ANKRD18B: variants seen among roughly 807,000 people sequenced by gnomAD.
ANKRD18B encodes the protein ankyrin repeat domain 18B, also known as ankyrin repeat domain-containing protein 18B.
A neutral mutation model predicts 111.8 loss-of-function variants in ANKRD18B; 75 were observed. The observed-to-expected ratio is 0.67, with a 90% CI of 0.56 to 0.81. The LOEUF (loss-of-function observed/expected upper bound fraction) is 0.81. Among genes scored for constraint, ANKRD18B ranks in the 40% least tolerant of loss-of-function variants. ANKRD18B has a pLI of 0.00. For missense variants in ANKRD18B, 1,038 were observed against 1,225.5 expected, an observed-to-expected ratio of 0.85 and a Z score of 2.28; for synonymous variants, 356 against 417.3, an observed-to-expected ratio of 0.85 and a Z score of 1.79.
intron 17 of ANKRD18B, among the ~76,000 whole-genome samples, chr9:33,570,389 C>T (rs553174985): frequency 9.2e-4 from 139 of 151,604 alleles, no homozygotes; most frequent in African/African-American, 3.0e-3. Flanking sequence ...CTCCAAACCT[C>T]AGCATTCCTC....
Position 33,566,232 on chromosome 9 carries a change from T to C in ANKRD18B, c.2474T>C (p.Met825Thr). Residue 825 changes from methionine (M) to threonine (T), a missense_variant, in exon 15 of 19, where the codon ATG (methionine) becomes ACG (threonine). Physicochemically the swap from Met to Thr is moderately conservative, Grantham distance 81. Around this residue, in one of 4 missense-constraint regions of ANKRD18B, gnomAD observed 524 missense variants for 677.9 expected, o/e 0.77. Transcript: ENST00000684830. Reference protein sequence around the residue: ...KKLKQKFDDLMAEKEAVSSKC... With the variant: ...KKLKQKFDDLTAEKEAVSSKC... ...TTATTAATGCAGTTTGATGATCTTA[T>C]GGCCGAGAAGGAAGCTGTATCTTCA... 1.3e-6 allele frequency: 2 copies of C among 1,555,658 alleles called. No homozygotes were observed. The highest frequency in any genetic ancestry group is 1.7e-6 in the Non-Finnish European group (2 of 1,148,254).
At chr9:33,573,780 A>T (rs1421506546), downstream of ANKRD18B, among the ~76,000 whole-genome samples, 1 of 145,178 alleles carries the variant, frequency 6.9e-6, no homozygotes, top group Non-Finnish European at 1.6e-5. Flanking sequence ...GACCATGGTC[A>T]GAGATGACCT....
intron 10 of ANKRD18B, among the ~76,000 whole-genome samples, chr9:33,547,251 G>T (rs1563903531): frequency 6.6e-6 from 1 of 152,114 alleles, no homozygotes; most frequent in East Asian, 1.9e-4. Flanking sequence ...TGGAGAACTG[G>T]AAGTAGAGTC....
Position 33,548,439 on chromosome 9 carries a change from C to T in ANKRD18B, c.1651C>T (p.Arg551Trp), listed in dbSNP as rs1196581676. ...ELLTEQVHKA[R>W]VKFNTLKGKL... Reference sequence around the variant, plus strand: ...GCTTACTGAACAGGTCCATAAAGCTCGGGTGAAGTTCAATACCTTAAAAGG... The same window carrying T: ...GCTTACTGAACAGGTCCATAAAGCTTGGGTGAAGTTCAATACCTTAAAAGG... The change falls in exon 11 of 19, where the codon CGG (arginine) becomes TGG (tryptophan). Residue 551 changes from arginine to tryptophan, a missense_variant. By Grantham distance (101) the Arg-to-Trp change is moderately radical (BLOSUM62 -3). Transcript: ENST00000684830. The T allele has an allele frequency of 1.2e-5, 19 of 1,551,148 alleles. No individual in the cohort carries two copies. Among genetic ancestry groups the T allele is most frequent in the East Asian group, 2.4e-5 (1 of 40,908 alleles).
At position 33,550,629 on chromosome 9, in the gene ANKRD18B, A is replaced by G. The variant is rs558442126; in HGVS notation, c.2217+50A>G. ...ACAGTTAATCTGTAGCTGGTTGAAT[A>G]CCAGTATCCTAAGTGTCTTAGGATA... On this transcript the variant is annotated intron_variant, in intron 12 of 18. Transcript: ENST00000684830. 2.8e-5 allele frequency: 41 copies of G among 1,446,160 alleles called. No individual in the cohort carries two copies. In the East Asian group the frequency reaches 1.0e-3, roughly 35 times the overall value. 89.6% of individuals were successfully genotyped at this position (1,446,160 alleles called of 1,614,324 possible).
rs1438250143 is a variant in ANKRD18B at position 33,524,521 on chromosome 9, TG to T, written c.35del (p.Gly12AlafsTer5). 1 of 1,550,602 alleles carries T rather than the reference TG, an allele frequency of 6.4e-7. No individual in the cohort carries two copies. The highest frequency in any genetic ancestry group is 8.7e-7 in the Non-Finnish European group (1 of 1,146,598). Reference protein sequence around the residue: MRKLLSFGRRLGQALLSSMDQ... With the variant: MRKLLSFGRRXGQALLSSMDQ... ...AAGCTCCTCAGTTTTGGGAGACGCCTGGGCCAGGCGCTCCTGAGCTCCATGG... is the reference window on the plus strand; with the variant it reads ...AAGCTCCTCAGTTTTGGGAGACGCCTGGCCAGGCGCTCCTGAGCTCCATGG... On this transcript the variant is annotated frameshift_variant, in exon 1 of 19. Coordinates refer to ENST00000684830, the MANE Select transcript of ANKRD18B (RefSeq NM_001393611.1). LOFTEE classifies it high-confidence loss of function.
intron 14 of ANKRD18B, among the ~76,000 whole-genome samples, chr9:33,559,011 T>C (rs1429503990): frequency 1.3e-5 from 2 of 152,118 alleles, no homozygotes; most frequent in African/African-American, 4.8e-5. Flanking sequence ...AAGTCATAGG[T>C]GGGTTTTAAG....
At chr9:33,554,280 A>T (rs1828490987) in intron 12 of ANKRD18B, among the ~76,000 whole-genome samples, 1 of 152,174 alleles carries the variant, frequency 6.6e-6, no homozygotes, top group Non-Finnish European at 1.5e-5. Flanking sequence ...AGAAAATAAC[A>T]GTGTACTCAA....
intron 13 of ANKRD18B, among the ~76,000 whole-genome samples, chr9:33,556,495 C>A (rs544339306): frequency 6.6e-6 from 1 of 152,280 alleles, no homozygotes; most frequent in South Asian, 2.1e-4. Flanking sequence ...AACTCCTGAC[C>A]TCATGATCCA....
chr9:33,564,886 C>A (rs1218239989), intron 14 of ANKRD18B, among the ~76,000 whole-genome samples: 1 of 151,618 alleles, frequency 6.6e-6, no homozygotes, highest in Non-Finnish European at 1.5e-5. Context: ...GATCTTTTGC[C>A]TAGTTTTGAA....
chr9:33,535,729 A>G (rs1828188302), intron 5 of ANKRD18B, among the ~76,000 whole-genome samples: 1 of 145,952 alleles, frequency 6.9e-6, no homozygotes, highest in Non-Finnish European at 1.5e-5. Context: ...ATTATTTTAT[A>G]TTTTATTTAT....
At chr9:33,525,260 G>C (rs1828010637) in intron 1 of ANKRD18B, among the ~76,000 whole-genome samples, 1 of 152,096 alleles carries the variant, frequency 6.6e-6, no homozygotes, top group Non-Finnish European at 1.5e-5. Flanking sequence ...GTTTATGATG[G>C]AGTGAAAAAC....
intron 10 of ANKRD18B, among the ~76,000 whole-genome samples, chr9:33,546,160 T>C (rs878963439): frequency 6.6e-6 from 1 of 152,188 alleles, no homozygotes; most frequent in Non-Finnish European, 1.5e-5. Context: ...AAAATGGTAA[T>C]ACAGTGGGAG....
intron 17 of ANKRD18B, among the ~76,000 whole-genome samples, chr9:33,569,935 T>G (rs1281486545): frequency 2.0e-5 from 3 of 152,058 alleles, no homozygotes; most frequent in Non-Finnish European, 4.4e-5. Context: ...AGCAACCCCA[T>G]TACTATACTA....
chr9:33,548,150 A>T lies in ANKRD18B; in HGVS notation c.1362A>T (p.Lys454Asn). The change falls in exon 11 of 19, where the codon AAA (lysine) becomes AAT (asparagine). Residue 454 changes from lysine (K) to asparagine (N), a missense_variant. Lys to Asn is a moderately conservative substitution (Grantham distance 94). Coordinates refer to ENST00000684830, the MANE Select transcript of ANKRD18B (RefSeq NM_001393611.1). Reference protein sequence around the residue: ...VRLNEEMITKKVAQYSQQLND... With the variant: ...VRLNEEMITKNVAQYSQQLND... Reference sequence around the variant, plus strand: ...TCAATGAAGAAATGATAACAAAAAAAGTGGCCCAGTATTCGCAACAGCTTA... The same window carrying T: ...TCAATGAAGAAATGATAACAAAAAATGTGGCCCAGTATTCGCAACAGCTTA... The T allele has an allele frequency of 6.5e-7, 1 of 1,536,274 alleles. No individual in the cohort carries two copies. The highest frequency in any genetic ancestry group is 8.8e-7 in the Non-Finnish European group (1 of 1,141,704).
At chr9:33,566,563 G>A (rs13284892) in intron 15 of ANKRD18B, 63 bp downstream of exon 15, 2 of 1,552,586 alleles carry the variant, frequency 1.3e-6, no homozygotes, top group African/African-American at 1.4e-5. Flanking sequence ...ACTGCAAACT[G>A]TATTTTGGAT....
chr9:33,568,260 T>C (rs543932421), intron 16 of ANKRD18B, among the ~76,000 whole-genome samples: 20 of 152,386 alleles, frequency 1.3e-4, no homozygotes, highest in African/African-American at 4.3e-4. Context: ...TAATTATTTA[T>C]AGTGAAGTAG....
rs1359580319 is a variant in ANKRD18B at position 33,543,120 on chromosome 9, A to G, written c.1079-65A>G. On this transcript the variant is annotated intron_variant, in intron 9 of 18. Coordinates refer to ENST00000684830, the MANE Select transcript of ANKRD18B (RefSeq NM_001393611.1). The stretch of plus-strand genomic sequence containing the variant: ...AGAAAAGTGTGTGTTGTTTTGTATC[A>G]ATTTTTATAAAGATTATAGTTTTTA... 17 of 1,367,280 alleles carry G rather than the reference A, an allele frequency of 1.2e-5. No homozygotes were observed. In the East Asian group the frequency reaches 1.3e-4, roughly 10 times the overall value. 84.7% of individuals were successfully genotyped at this position (1,367,280 alleles called of 1,614,324 possible).
chr9:33,566,582 A>G (rs1472396940), intron 15 of ANKRD18B, 82 bp downstream of exon 15: 16 of 1,491,318 alleles, frequency 1.1e-5, no homozygotes, highest in East Asian at 9.7e-5. Context: ...ATGTGTATAT[A>G]TTGTGTTTCC....
Sources: allele counts gnomAD v4.1 joint callset (sites outside exome capture counted in the v4.1 genomes callset), GRCh38; gene constraint gnomAD v4.1.1; regional missense constraint gnomAD v4.1.1; transcripts MANE v1.5; gene names NCBI Gene and HGNC (gene_info 2026-07-23, HGNC 2026-07-21).